The following NEK4 variants were observed in gnomAD, a reference collection of about 807,000 sequenced individuals.
NEK4 encodes the protein serine/threonine-protein kinase Nek4.
NEK4 carries 86 observed loss-of-function variants against 98.4 expected under a neutral mutation model. That is an observed-to-expected ratio of 0.87 (90% CI 0.73 to 1.05). The LOEUF is 1.05. Among genes scored for constraint, NEK4 ranks in the 50% least tolerant of loss-of-function variants. NEK4 has a pLI of 0.00. For missense variants in NEK4, 898 were observed against 950.3 expected, an observed-to-expected ratio of 0.94 and a Z score of 0.72; for synonymous variants, 328 against 342.2, an observed-to-expected ratio of 0.96 and a Z score of 0.46.
chr3:52,770,568 G>T lies in NEK4; in HGVS notation c.93+86C>A, dbSNP rs1578717631. On this transcript the variant is annotated intron_variant, in intron 1 of 15. Coordinates refer to ENST00000233027, the MANE Select transcript of NEK4 (RefSeq NM_003157.6). The stretch of plus-strand genomic sequence containing the variant: ...ACGCCATCCGAGATGAGCCTCTTGC[G>T]ACCACCCCCGACCTAATCTACCGGT... 15 of 1,028,402 alleles carry T rather than the reference G, an allele frequency of 1.5e-5. No homozygotes were observed. The East Asian group carries it at 3.7e-4, about 26-fold the overall frequency. The allele number at this position is 1,028,402 out of a possible 1,614,324, so 63.7% of individuals were successfully genotyped here.
intron 15 of NEK4, among the ~76,000 whole-genome samples, chr3:52,728,804 G>T (rs1007114166): frequency 2.0e-5 from 3 of 152,176 alleles, no homozygotes; most frequent in African/African-American, 7.2e-5. Context: ...CCTGGGGAAG[G>T]AATGCATCCC....
chr3:52,710,597 AC>A lies in NEK4; in HGVS notation c.*1179del, dbSNP rs2097349448. 1 of 152,062 alleles carries A rather than the reference AC, an allele frequency of 6.6e-6. No homozygotes were observed. Among genetic ancestry groups the A allele is most frequent in the African/African-American group, 2.4e-5 (1 of 41,404 alleles). 9.4% of individuals were successfully genotyped at this position (152,062 alleles called of 1,614,324 possible). ...GGCAATGTGGTGTAACCCTGTCTCT[AC>A]AAAAAATACAAAAACTAGCCAGGTG... On this transcript the variant is annotated 3_prime_UTR_variant, in exon 16 of 16. Coordinates refer to ENST00000233027, the MANE Select transcript of NEK4 (RefSeq NM_003157.6).
chr3:52,723,763 A>G (rs2097362151), intron 15 of NEK4, among the ~76,000 whole-genome samples: 1 of 152,188 alleles, frequency 6.6e-6, no homozygotes, highest in African/African-American at 2.4e-5. Context: ...TCCCAGAGAA[A>G]GAGGAGAGAG....
In NEK4 at chr3:52,768,403, T is replaced by C; in HGVS notation, c.295A>G (p.Lys99Glu). Residue 99 changes from lysine to glutamate, a missense_variant, in exon 2 of 16, where the codon AAA (lysine) becomes GAA (glutamate). By Grantham distance (56) the Lys-to-Glu change is moderately conservative. Coordinates refer to ENST00000233027, the MANE Select transcript of NEK4 (RefSeq NM_003157.6). The stretch of plus-strand genomic sequence containing the variant: ...TGATTCTCAGGCAGAAGCTGCCCTT[T>C]CTGCTCCTTGAGCTTTCGGTACAAA... ...GDLYRKLKEQ[K>E]GQLLPENQVV... is the part of the protein sequence containing the mutation. The C allele has an allele frequency of 1.2e-6, 2 of 1,614,144 alleles. No homozygotes were observed. Among genetic ancestry groups the C allele is most frequent in the East Asian group, 2.2e-5 (1 of 44,886 alleles).
At chr3:52,757,436 T>C (rs1474692550) in intron 6 of NEK4, among the ~76,000 whole-genome samples, 10 of 151,886 alleles carry the variant, frequency 6.6e-5, no homozygotes, top group African/African-American at 1.7e-4. Flanking sequence ...CACATGCCTG[T>C]AATCCCAGCT....
Position 52,739,256 on chromosome 3 carries a change from G to A in NEK4, c.2299+173C>T, listed in dbSNP as rs149689070. Among the ~76,000 whole-genome samples, 629 of 152,188 alleles carry A rather than the reference G, an allele frequency of 4.1e-3. 5 individuals carry two copies. Among genetic ancestry groups the A allele is most frequent in the Admixed American group, 6.5e-3 (100 of 15,302 alleles). Reference sequence around the variant, plus strand: ...TCTACCAAAAATACAAAAATTACCCGGGCATGGTGGTGCATGCCTGTAGTC... The same window carrying A: ...TCTACCAAAAATACAAAAATTACCCAGGCATGGTGGTGCATGCCTGTAGTC... On this transcript the variant is annotated intron_variant, in intron 14 of 15. Coordinates refer to ENST00000233027, the MANE Select transcript of NEK4 (RefSeq NM_003157.6).
chr3:52,745,371 A>T (rs1196921623), intron 10 of NEK4, among the ~76,000 whole-genome samples: 1 of 151,996 alleles, frequency 6.6e-6, no homozygotes, highest in Non-Finnish European at 1.5e-5. Context: ...ATCTGAGGTC[A>T]GGAGTTTGAG....
At chr3:52,770,606 C>A (rs762009324) in intron 1 of NEK4, 48 bp downstream of exon 1, 28 of 1,449,674 alleles carry the variant, frequency 1.9e-5, no homozygotes, top group Middle Eastern at 1.9e-4. Flanking sequence ...GCGCCCTCGG[C>A]GCACTTCTGC....
intron 15 of NEK4, among the ~76,000 whole-genome samples, chr3:52,713,867 TAATTA>T (rs1187610272): frequency 6.8e-6 from 1 of 147,536 alleles, no homozygotes; most frequent in Non-Finnish European, 1.5e-5. Context: ...TAAAAAGACA[TAATTA>T]AATATAAAAT....
At chr3:52,751,771 G>A (rs758590499) in intron 7 of NEK4, among the ~76,000 whole-genome samples, 161 bp downstream of exon 7, 2 of 152,140 alleles carry the variant, frequency 1.3e-5, no homozygotes, top group Non-Finnish European at 2.9e-5. Context: ...ACTGTTATAG[G>A]GTACTGGGTT....
chr3:52,719,091 A>G (rs2097357791), intron 15 of NEK4, among the ~76,000 whole-genome samples: 1 of 152,176 alleles, frequency 6.6e-6, no homozygotes. Context: ...TTTCTGCTCC[A>G]AAGGAGGAGT....
At chr3:52,744,783 T>C (rs1463301790) in intron 10 of NEK4, among the ~76,000 whole-genome samples, 1 of 151,604 alleles carries the variant, frequency 6.6e-6, no homozygotes, top group Non-Finnish European at 1.5e-5. Context: ...GAGTGTCCAT[T>C]GGAAACCAGC....
At chr3:52,722,187 C>T (rs2097360727) in intron 15 of NEK4, among the ~76,000 whole-genome samples, 1 of 152,210 alleles carries the variant, frequency 6.6e-6, no homozygotes, top group African/African-American at 2.4e-5. Flanking sequence ...AGGGGGACCA[C>T]CCTCGCATCC....
intron 1 of NEK4, 51 bp from the exon 2 acceptor site, chr3:52,768,655 T>C: frequency 6.3e-7 from 1 of 1,581,416 alleles, no homozygotes; most frequent in Non-Finnish European, 8.6e-7. Context: ...GTAAGATTTG[T>C]GGCCTCAGAG....
At chr3:52,761,016 A>T in intron 5 of NEK4, 80 bp from the exon 6 acceptor site, 1 of 864,704 alleles carries the variant, frequency 1.2e-6, no homozygotes, top group South Asian at 1.8e-5. Context: ...GAGTGTGTGT[A>T]TACAATGAAT....
intron 15 of NEK4, among the ~76,000 whole-genome samples, chr3:52,720,331 A>T (rs948700849): frequency 6.6e-6 from 1 of 152,164 alleles, no homozygotes; most frequent in Non-Finnish European, 1.5e-5. Flanking sequence ...TGTCTCAAAA[A>T]AAAGAAAGAA....
In NEK4 at chr3:52,711,396, A is replaced by C. The variant is rs2097350238; in HGVS notation, c.*381T>G. 1 of 156,270 alleles carries C rather than the reference A, an allele frequency of 6.4e-6. No homozygotes were observed. 9.7% of individuals were successfully genotyped at this position (156,270 alleles called of 1,614,324 possible). The stretch of plus-strand genomic sequence containing the variant: ...ACATATTATGTCATTTGTTTCTCCT[A>C]CTGCTTTTATCTCTACATTACAATA... On this transcript the variant is annotated 3_prime_UTR_variant, in exon 16 of 16. Coordinates refer to ENST00000233027, the MANE Select transcript of NEK4 (RefSeq NM_003157.6).
intron 15 of NEK4, among the ~76,000 whole-genome samples, chr3:52,731,716 T>C (rs1046496404): frequency 1.3e-5 from 2 of 152,226 alleles, no homozygotes; most frequent in Non-Finnish European, 2.9e-5. Context: ...CACAGGAGTC[T>C]TGCCATGTTG....
At chr3:52,768,309 A>G (rs776108678) in intron 2 of NEK4, 29 bp downstream of exon 2, 16 of 1,588,604 alleles carry the variant, frequency 1.0e-5, no homozygotes, top group Non-Finnish European at 1.4e-5. Context: ...TCTGGGAACA[A>G]GCTAGGATGC....
Sources: allele counts gnomAD v4.1 joint callset (sites outside exome capture counted in the v4.1 genomes callset), GRCh38; gene constraint gnomAD v4.1.1; transcripts MANE v1.5; gene names NCBI Gene and HGNC (gene_info 2026-07-23, HGNC 2026-07-21).